Variants in DLG2 observed in about 807,000 individuals in gnomAD.
The protein encoded by DLG2 is disks large homolog 2.
A neutral mutation model predicts 132.5 loss-of-function variants in DLG2; 45 were observed. The observed-to-expected ratio is 0.34, with a 90% CI of 0.27 to 0.44. The LOEUF (loss-of-function observed/expected upper bound fraction) is 0.44, where lower values mean the gene tolerates loss of function less well. DLG2 is among the 20% of genes least tolerant of loss of function. The probability of loss-of-function intolerance (pLI) is 1.00; values close to 1 mark genes in which losing one functional copy is unlikely to be tolerated. For missense variants in DLG2, 1,045 were observed against 1,196.9 expected, an observed-to-expected ratio of 0.87 and a Z score of 1.87; for synonymous variants, 424 against 419.6, an observed-to-expected ratio of 1.01 and a Z score of -0.13.
At chr11:84,991,523 A>AAAT (rs55954274) in intron 6 of DLG2, among the ~76,000 whole-genome samples, 2 of 116,330 alleles carry the variant, frequency 1.7e-5, no homozygotes, top group African/African-American at 3.6e-5. Flanking sequence ...AAAAAAAAAA[A>AAAT]AAAGAAAGAA....
At chr11:84,455,042 A>G (rs767624904) in intron 7 of DLG2, among the ~76,000 whole-genome samples, 4 of 151,636 alleles carry the variant, frequency 2.6e-5, no homozygotes, top group East Asian at 3.9e-4. Context: ...GCTTTCTTAA[A>G]AAGGTGGAAT....
chr11:83,860,183 C>T (rs1435826295), intron 16 of DLG2, among the ~76,000 whole-genome samples: 1 of 152,172 alleles, frequency 6.6e-6, no homozygotes, highest in East Asian at 1.9e-4. Context: ...ACTGGGGCAC[C>T]ACCTAGTGGA....
intron 7 of DLG2, among the ~76,000 whole-genome samples, chr11:84,406,559 T>G: frequency 6.6e-6 from 1 of 152,202 alleles, no homozygotes; most frequent in East Asian, 1.9e-4. Context: ...AGGCTGGTTT[T>G]GAACTCTTGG....
At chr11:84,861,813 T>A (rs2083739472) in intron 6 of DLG2, among the ~76,000 whole-genome samples, 1 of 151,830 alleles carries the variant, frequency 6.6e-6, no homozygotes, top group African/African-American at 2.4e-5. Context: ...AACAGACACT[T>A]CTCAAAAGAA....
At chr11:84,840,156 A>C (rs2080430543) in intron 6 of DLG2, among the ~76,000 whole-genome samples, 1 of 152,112 alleles carries the variant, frequency 6.6e-6, no homozygotes. Context: ...AAAATCAAAC[A>C]ACCTCATCAA....
At chr11:83,624,025 T>C (rs2062077936) in intron 19 of DLG2, among the ~76,000 whole-genome samples, 1 of 152,200 alleles carries the variant, frequency 6.6e-6, no homozygotes, top group African/African-American at 2.4e-5. Context: ...ATGATTACCA[T>C]GGGATTAGTG....
intron 6 of DLG2, among the ~76,000 whole-genome samples, chr11:84,833,911 T>G (rs1230345289): frequency 1.3e-5 from 2 of 151,626 alleles, no homozygotes; most frequent in Non-Finnish European, 3.0e-5. Flanking sequence ...TGTACATACT[T>G]GTAAAATTGG....
In DLG2 at chr11:83,502,362, T is replaced by C. The variant is rs985138102; in HGVS notation, c.2194-18134A>G. 1.8e-4 allele frequency among the ~76,000 whole-genome samples: 27 copies of C among 152,178 alleles called. 1 individual carries two copies. The highest frequency in any genetic ancestry group is 1.6e-3 in the Admixed American group (24 of 15,266). ...TGATTGCTTGCAAAGATTCCAAGTG[T>C]GCATTTTACTCTGCTCTCAGTGGAT... On this transcript the variant is annotated intron_variant, in intron 21 of 27. Transcript: ENST00000376104.
At chr11:85,208,281 A>G (rs1272529670) in intron 4 of DLG2, among the ~76,000 whole-genome samples, 1 of 152,186 alleles carries the variant, frequency 6.6e-6, no homozygotes, top group Non-Finnish European at 1.5e-5. Flanking sequence ...AAAATTAATG[A>G]CAAAATGACT....
Position 85,086,788 on chromosome 11 carries a change from G to A in DLG2, c.357+24873C>T, listed in dbSNP as rs117427082. On this transcript the variant is annotated intron_variant, in intron 6 of 27. Transcript: ENST00000376104. ...ATGAAGCAGTTTGTTTCAATTAATT[G>A]ACTACGGCATATCAATCATAGCAAG... Among the ~76,000 whole-genome samples, 7 of 152,294 alleles carry A rather than the reference G, an allele frequency of 4.6e-5. No individual in the cohort carries two copies. In the East Asian group the frequency reaches 1.3e-3, roughly 29 times the overall value.
intron 4 of DLG2, among the ~76,000 whole-genome samples, chr11:85,278,927 C>T (rs1256733799): frequency 4.6e-5 from 7 of 152,178 alleles, no homozygotes; most frequent in African/African-American, 1.7e-4. Context: ...GCAACAGCAA[C>T]TCTACCTGCC....
intron 24 of DLG2, among the ~76,000 whole-genome samples, chr11:83,470,193 T>C (rs1469263644): frequency 3.9e-5 from 6 of 151,918 alleles, no homozygotes; most frequent in Non-Finnish European, 7.4e-5. Context: ...CAATTCATAA[T>C]AGTGAAAAAT....
intron 6 of DLG2, among the ~76,000 whole-genome samples, chr11:84,613,237 T>C (rs1187431033): frequency 1.3e-5 from 2 of 152,150 alleles, no homozygotes; most frequent in Admixed American, 1.3e-4. Context: ...CGGTATTTTA[T>C]ATTAAATAAT....
intron 6 of DLG2, among the ~76,000 whole-genome samples, chr11:84,646,357 A>G (rs1467332947): frequency 6.6e-6 from 1 of 152,228 alleles, no homozygotes; most frequent in African/African-American, 2.4e-5. Flanking sequence ...ATCAGGTACA[A>G]AATAAAAGAT....
chr11:83,493,773 C>G (rs988750500), intron 21 of DLG2, among the ~76,000 whole-genome samples: 3 of 152,030 alleles, frequency 2.0e-5, no homozygotes, highest in African/African-American at 7.2e-5. Context: ...ATAAACAAAT[C>G]AATGATCAAT....
At chr11:84,146,089 C>G (rs768219660) in intron 9 of DLG2, among the ~76,000 whole-genome samples, 3 of 152,162 alleles carry the variant, frequency 2.0e-5, no homozygotes, top group Non-Finnish European at 2.9e-5. Flanking sequence ...ATTTGCAGAC[C>G]TGTCCCTAGT....
chr11:84,035,834 T>G (rs1225582135), intron 11 of DLG2, among the ~76,000 whole-genome samples: 1 of 151,856 alleles, frequency 6.6e-6, no homozygotes, highest in Non-Finnish European at 1.5e-5. Flanking sequence ...CAAAGCAGAG[T>G]TGGTGAGGAT....
chr11:83,747,580 G>A (rs2093012986), intron 18 of DLG2, among the ~76,000 whole-genome samples: 1 of 152,038 alleles, frequency 6.6e-6, no homozygotes, highest in Admixed American at 6.6e-5. Context: ...ATGTTGCTGG[G>A]CTCAAGCTAT....
intron 7 of DLG2, among the ~76,000 whole-genome samples, chr11:84,363,416 T>C (rs1163900380): frequency 6.6e-6 from 1 of 152,150 alleles, no homozygotes; most frequent in Admixed American, 6.6e-5. Context: ...ATTAGCCCTT[T>C]GTCAGATGAG....
Sources: gnomAD v4.1 joint callset for allele counts (sites outside exome capture counted in the v4.1 genomes callset) on GRCh38, gnomAD v4.1.1 for gene constraint, MANE v1.5 for transcripts, NCBI Gene and HGNC (gene_info 2026-07-23, HGNC 2026-07-21) for gene names.